NEK5: variants seen among roughly 807,000 people sequenced by gnomAD.
NEK5 encodes serine/threonine-protein kinase Nek5.
Under a neutral mutation model 109.2 loss-of-function variants are expected in NEK5, and 88 were observed. The observed-to-expected ratio is 0.81, with a 90% CI of 0.68 to 0.96. The LOEUF (loss-of-function observed/expected upper bound fraction) is 0.96, where lower values mean the gene tolerates loss of function less well. NEK5 is among the 40% of genes least tolerant of loss of function. NEK5 has a pLI of 0.00. For missense variants in NEK5, 834 were observed against 920.7 expected, an observed-to-expected ratio of 0.91 and a Z score of 1.22; for synonymous variants, 283 against 299.9, an observed-to-expected ratio of 0.94 and a Z score of 0.58.
At chr13:52,121,196 T>C (rs1955963339) in intron 3 of NEK5, among the ~76,000 whole-genome samples, 1 of 149,142 alleles carries the variant, frequency 6.7e-6, no homozygotes, top group Non-Finnish European at 1.5e-5. Context: ...TCTTGCTCTA[T>C]CACCCAGGCT....
chr13:52,050,277 G>T (rs754594497), intron 22 of NEK5, 56 bp from the exon 23 acceptor site: 12 of 550,062 alleles, frequency 2.2e-5, no homozygotes, highest in Admixed American at 1.9e-4. Context: ...ACCCAATGAG[G>T]GGCATATACC....
intron 3 of NEK5, among the ~76,000 whole-genome samples, chr13:52,126,119 A>G (rs927274536): frequency 6.6e-6 from 1 of 152,092 alleles, no homozygotes; most frequent in Non-Finnish European, 1.5e-5. Context: ...TTTTTATGCT[A>G]CTCTCATTTA....
Position 52,036,035 on chromosome 13 carries a change from T to C in NEK5, c.*913A>G, listed in dbSNP as rs1280578362. ...TTAACAGTTCTGCAAGTCAGAAGTA[T>C]GAAATTGAACTCACTAGGCTAAAAT... On this transcript the variant is annotated 3_prime_UTR_variant, in exon 24 of 24. Transcript: ENST00000684899. 1 of 152,188 alleles carries C rather than the reference T, an allele frequency of 6.6e-6. No individual in the cohort carries two copies. The highest frequency in any genetic ancestry group is 1.5e-5 in the Non-Finnish European group (1 of 68,038). The allele number at this position is 152,188 out of a possible 1,614,324, so 9.4% of individuals were successfully genotyped here.
chr13:52,094,487 A>G (rs973303176), intron 12 of NEK5, among the ~76,000 whole-genome samples: 1 of 152,218 alleles, frequency 6.6e-6, no homozygotes, highest in African/African-American at 2.4e-5. Context: ...GGACCATATG[A>G]AATTGCACAT....
intron 22 of NEK5, among the ~76,000 whole-genome samples, chr13:52,051,321 C>T (rs1006317474): frequency 2.6e-5 from 4 of 152,086 alleles, no homozygotes; most frequent in African/African-American, 7.2e-5. Context: ...TTTCCTTCCA[C>T]TTCTGCTCCT....
At chr13:52,068,709 C>G (rs1339354637) in intron 20 of NEK5, among the ~76,000 whole-genome samples, 2 of 152,188 alleles carry the variant, frequency 1.3e-5, no homozygotes, top group Non-Finnish European at 2.9e-5. Flanking sequence ...TGGCTCACGC[C>G]TGTAATCCCA....
At chr13:52,053,716 T>C (rs368960751) in intron 22 of NEK5, among the ~76,000 whole-genome samples, 3 of 152,136 alleles carry the variant, frequency 2.0e-5, no homozygotes, top group South Asian at 4.1e-4. Flanking sequence ...AGATAAGTCA[T>C]TGGAACAAGT....
chr13:52,088,148 C>T (rs748494454), intron 14 of NEK5, among the ~76,000 whole-genome samples: 8 of 151,692 alleles, frequency 5.3e-5, no homozygotes, highest in Admixed American at 2.6e-4. Flanking sequence ...AGGCTAGTCT[C>T]GAACTCCTGG....
At chr13:52,105,482 G>T (rs1402808454) in intron 8 of NEK5, among the ~76,000 whole-genome samples, 1 of 152,016 alleles carries the variant, frequency 6.6e-6, no homozygotes, top group East Asian at 1.9e-4. Flanking sequence ...GCCTCCCAAA[G>T]TGCTGGGATT....
At chr13:52,054,696 C>T (rs1007792952) in intron 22 of NEK5, among the ~76,000 whole-genome samples, 36 of 152,214 alleles carry the variant, frequency 2.4e-4, no homozygotes, top group African/African-American at 8.4e-4. Context: ...CAGACTGACA[C>T]CTCACACGGC....
At chr13:52,075,687 C>A in intron 19 of NEK5, 71 bp downstream of exon 19, 1 of 935,666 alleles carries the variant, frequency 1.1e-6, no homozygotes. Flanking sequence ...GAAATAATTT[C>A]ATGAAACATG....
intron 3 of NEK5, among the ~76,000 whole-genome samples, chr13:52,125,129 T>C (rs751078063): frequency 7.2e-5 from 11 of 152,198 alleles, no homozygotes; most frequent in Non-Finnish European, 1.5e-5. Context: ...TGTTTTTGGG[T>C]ACAATTGTGA....
At chr13:52,093,689 A>G (rs1311779542) in intron 12 of NEK5, among the ~76,000 whole-genome samples, 1 of 152,152 alleles carries the variant, frequency 6.6e-6, no homozygotes, top group African/African-American at 2.4e-5. Context: ...TAATCTTAAG[A>G]GTCCCCAAAT....
At chr13:52,060,668 C>T (rs35703449) in intron 22 of NEK5, among the ~76,000 whole-genome samples, 3,232 of 152,184 alleles carry the variant, frequency 0.021, 83 homozygotes, top group Admixed American at 0.084. Flanking sequence ...CATTTATCAG[C>T]CTCCAAGAAT....
At position 52,102,102 on chromosome 13, in the gene NEK5, A is replaced by G. The variant is rs1320992925; in HGVS notation, c.800T>C (p.Leu267Ser). 6.2e-7 allele frequency: 1 copy of G among 1,613,900 alleles called. No homozygotes were observed. The highest frequency in any genetic ancestry group is 2.2e-5 in the East Asian group (1 of 44,858). The change falls in exon 10 of 24, where the codon TTG becomes TCG. Residue 267 changes from leucine (L) to serine (S), a missense_variant. Physicochemically the swap from Leu to Ser is moderately radical, Grantham distance 145 (BLOSUM62 -2). Coordinates refer to ENST00000684899, the MANE Select transcript of NEK5 (RefSeq NM_001365552.1). ...CACCTCAAAACTTACCTCAGGAGTC[A>G]AATATTTGGGAATAAGATTCTCTAA... Reference protein sequence around the residue: ...PFLENLIPKYLTPEVIQEEFS... With the variant: ...PFLENLIPKYSTPEVIQEEFS...
Position 52,127,644 on chromosome 13 carries a change from T to C in NEK5, c.-72A>G, listed in dbSNP as rs1417101187. 8.7e-6 allele frequency: 5 copies of C among 577,332 alleles called. No individual in the cohort carries two copies. In the East Asian group the frequency reaches 1.4e-4, roughly 16 times the overall value. 35.8% of individuals were successfully genotyped at this position (577,332 alleles called of 1,614,324 possible). On this transcript the variant is annotated 5_prime_UTR_variant, in exon 2 of 24. Coordinates refer to ENST00000684899, the MANE Select transcript of NEK5 (RefSeq NM_001365552.1). Reference sequence around the variant, plus strand: ...TTGCCAAGACAGAGACAAATAACTTTCTTTGTGGCCACAGATAACTGAAAT... The same window carrying C: ...TTGCCAAGACAGAGACAAATAACTTCCTTTGTGGCCACAGATAACTGAAAT...
chr13:52,066,917 G>A (rs78647606), intron 20 of NEK5, among the ~76,000 whole-genome samples: 7,438 of 151,968 alleles, frequency 0.049, 409 homozygotes, highest in African/African-American at 0.13. Context: ...TATAGGGTCT[G>A]ATTTCACAAT....
At position 52,120,229 on chromosome 13, in the gene NEK5, T is replaced by A. The variant is rs183463105; in HGVS notation, c.118-814A>T. Among the ~76,000 whole-genome samples the A allele has an allele frequency of 2.3e-4, 35 of 152,206 alleles. 1 individual carries two copies. In the East Asian group the frequency reaches 6.6e-3, roughly 29 times the overall value. ...CTCAGCTGAAGGATCCTTCAGTAAG[T>A]TCCTTAAACCCCTCTAAGCTTCAGT... On this transcript the variant is annotated intron_variant, in intron 3 of 23. Transcript: ENST00000684899.
At position 52,102,190 on chromosome 13, in the gene NEK5, G is replaced by T; in HGVS notation, c.712C>A (p.Gln238Lys). The stretch of plus-strand genomic sequence containing the variant: ...TCTCGAGGAGATACTTGAAAGAGCT[G>T]AGATATCAAGGAATGGAGCTCACGA... ...FSRELHSLISQLFQVSPRDRP... is the reference protein window; with the variant it reads ...FSRELHSLISKLFQVSPRDRP... The change falls in exon 10 of 24, where the codon CAG (glutamine) becomes AAG (lysine). Residue 238 changes from glutamine to lysine, a missense_variant. Transcript: ENST00000684899. The T allele has an allele frequency of 6.2e-7, 1 of 1,613,618 alleles. No homozygotes were observed. Among genetic ancestry groups the T allele is most frequent in the East Asian group, 2.2e-5 (1 of 44,870 alleles).
Sources: allele counts gnomAD v4.1 joint callset (sites outside exome capture counted in the v4.1 genomes callset), GRCh38; gene constraint gnomAD v4.1.1; transcripts MANE v1.5; gene names NCBI Gene and HGNC (gene_info 2026-07-23, HGNC 2026-07-21).